The following CTDSPL2 variants were observed in gnomAD, a reference collection of about 807,000 sequenced individuals.
The protein encoded by CTDSPL2 is CTD small phosphatase like 2, also known as CTD small phosphatase-like protein 2.
In CTDSPL2, 5 loss-of-function variants were observed where a neutral mutation model predicts 60.0. The ratio of observed to expected loss-of-function variants is 0.08; its 90% CI spans 0.04 to 0.18. The LOEUF is 0.18. Ranked by LOEUF, CTDSPL2 falls within the 10% of genes least tolerant of loss-of-function variation. The probability of loss-of-function intolerance (pLI) is 1.00; values close to 1 mark genes in which losing one functional copy is unlikely to be tolerated. For missense variants in CTDSPL2, 370 were observed against 548.8 expected (o/e 0.67, Z 3.26); for synonymous variants, 186 against 189.3 (o/e 0.98, Z 0.14).
intron 2 of CTDSPL2, among the ~76,000 whole-genome samples, chr15:44,476,475 G>T (rs1160762216): frequency 6.6e-6 from 1 of 152,132 alleles, no homozygotes. Context: ...AGCAAAAGCA[G>T]AAGAGTACTC....
At chr15:44,475,755 A>T (rs1214180374) in intron 2 of CTDSPL2, among the ~76,000 whole-genome samples, 1 of 152,134 alleles carries the variant, frequency 6.6e-6, no homozygotes, top group Non-Finnish European at 1.5e-5. Flanking sequence ...ATTCCTTTTT[A>T]AAAAACTCAT....
rs150776240 is a variant in CTDSPL2, at chr15:44,454,582, C to T, written c.-24-4409C>T. Among the ~76,000 whole-genome samples, 1,418 of 152,306 alleles carry T rather than the reference C, an allele frequency of 9.3e-3. 14 individuals are homozygous for T. The highest frequency in any genetic ancestry group is 0.048 in the Middle Eastern group (14 of 294). ...TAGGTTTAACATTTAAGTCTTGAAT[C>T]CATTTTGAATTAATTTTAGTGTAAG... On this transcript the variant is annotated intron_variant, in intron 1 of 12. Coordinates refer to ENST00000260327, the MANE Select transcript of CTDSPL2 (RefSeq NM_016396.3).
intron 2 of CTDSPL2, among the ~76,000 whole-genome samples, chr15:44,478,450 C>T (rs2080963250): frequency 1.8e-5 from 1 of 55,512 alleles, no homozygotes. Context: ...AAGACTCTGT[C>T]TCAAAAAAAA....
At chr15:44,454,394 G>T (rs2080392403) in intron 1 of CTDSPL2, among the ~76,000 whole-genome samples, 1 of 152,046 alleles carries the variant, frequency 6.6e-6, no homozygotes. Context: ...TACTCTGATG[G>T]TAGTTTCTTT....
chr15:44,464,444 A>G (rs993269360), intron 2 of CTDSPL2, among the ~76,000 whole-genome samples: 4 of 152,212 alleles, frequency 2.6e-5, no homozygotes, highest in Non-Finnish European at 5.9e-5. Flanking sequence ...TGGTGCTGCT[A>G]GGATTTAAAC....
chr15:44,507,528 A>C (rs1349287624), intron 8 of CTDSPL2, among the ~76,000 whole-genome samples: 1 of 152,222 alleles, frequency 6.6e-6, no homozygotes, highest in African/African-American at 2.4e-5. Flanking sequence ...TCATGAAGCA[A>C]AAGATTACTA....
intron 10 of CTDSPL2, among the ~76,000 whole-genome samples, chr15:44,515,898 G>T (rs2081643419): frequency 6.6e-6 from 1 of 151,504 alleles, no homozygotes; most frequent in Non-Finnish European, 1.5e-5. Flanking sequence ...TAATAGCTGG[G>T]TTGGTTGGTT....
In CTDSPL2 at chr15:44,496,366, A is replaced by G; in HGVS notation, c.692-14A>G. 3 of 1,589,678 alleles carry G rather than the reference A, an allele frequency of 1.9e-6. No individual in the cohort carries two copies. Among genetic ancestry groups the G allele is most frequent in the Non-Finnish European group, 2.6e-6 (3 of 1,163,506 alleles). On this transcript the variant is annotated splice_polypyrimidine_tract_variant and intron_variant, in intron 5 of 12. Transcript: ENST00000260327. ...AAGTAAAAGCAACATTTTTTCTTTC[A>G]CTATGTTAAATAGCACCAGTAACTC...
intron 1 of CTDSPL2, among the ~76,000 whole-genome samples, chr15:44,433,220 A>G (rs1436610279): frequency 6.8e-6 from 1 of 147,460 alleles, no homozygotes; most frequent in Non-Finnish European, 1.5e-5. Context: ...GGGGCTGAGT[A>G]GGGGGAATTG....
In CTDSPL2 at chr15:44,525,534, A is replaced by C. The variant is rs2081858896; in HGVS notation, c.*1360A>C. 1 of 398,724 alleles carries C rather than the reference A, an allele frequency of 2.5e-6. No individual in the cohort carries two copies. The allele number at this position is 398,724 out of a possible 1,614,324, so 24.7% of individuals were successfully genotyped here. On this transcript the variant is annotated 3_prime_UTR_variant, in exon 13 of 13. Transcript: ENST00000260327. ...TGTTTTTGTGTAAAGGATGTCAAAG[A>C]ACGGCACTTTTTCTAAAGAGAAGTT...
intron 1 of CTDSPL2, among the ~76,000 whole-genome samples, chr15:44,443,215 C>A (rs968321255): frequency 6.6e-6 from 1 of 152,154 alleles, no homozygotes; most frequent in African/African-American, 2.4e-5. Context: ...CAGTCTTCAA[C>A]GTTCATAATA....
intron 8 of CTDSPL2, among the ~76,000 whole-genome samples, chr15:44,506,547 G>A (rs1467662236): frequency 6.7e-6 from 1 of 149,670 alleles, no homozygotes; most frequent in Admixed American, 6.8e-5. Context: ...CTCCCAAACA[G>A]TAGCTGGGAC....
At chr15:44,439,163 T>A (rs570918813) in intron 1 of CTDSPL2, among the ~76,000 whole-genome samples, 6 of 151,850 alleles carry the variant, frequency 4.0e-5, no homozygotes, top group African/African-American at 7.2e-5. Flanking sequence ...TTATTTATTT[T>A]TTTAAGATAG....
Position 44,449,755 on chromosome 15 carries a change from T to C in CTDSPL2, c.-24-9236T>C, listed in dbSNP as rs141496159. On this transcript the variant is annotated intron_variant, in intron 1 of 12. Coordinates refer to ENST00000260327, the MANE Select transcript of CTDSPL2 (RefSeq NM_016396.3). The stretch of plus-strand genomic sequence containing the variant: ...CTGTAATCCCAGCACTTTGGGAGGC[T>C]GAGAAGGATGAATCACTTTGAGGTC... 2.4e-4 allele frequency among the ~76,000 whole-genome samples: 36 copies of C among 152,102 alleles called. No individual in the cohort carries two copies. In the East Asian group the frequency reaches 6.0e-3, roughly 25 times the overall value.
chr15:44,435,586 AGAATCTTCCT>A (rs2079961304), intron 1 of CTDSPL2, among the ~76,000 whole-genome samples: 4 of 148,658 alleles, frequency 2.7e-5, no homozygotes, highest in Admixed American at 2.7e-4. Context: ...AAAAAAAAAG[AGAATCTTCCT>A]GTTGTAGAGT....
At chr15:44,430,255 A>C (rs1837983389) in intron 1 of CTDSPL2, among the ~76,000 whole-genome samples, 1 of 152,134 alleles carries the variant, frequency 6.6e-6, no homozygotes, top group Non-Finnish European at 1.5e-5. Flanking sequence ...TCAGTTGAGT[A>C]AAATGGCATT....
Position 44,521,552 on chromosome 15 carries a change from T to G in CTDSPL2, c.1335+146T>G, listed in dbSNP as rs2081768166. Reference sequence around the variant, plus strand: ...CAGGTGCCATCATAGGCGCCTGTAGTGCCAGCTACTTTAGAGTCTGAGGCA... The same window carrying G: ...CAGGTGCCATCATAGGCGCCTGTAGGGCCAGCTACTTTAGAGTCTGAGGCA... On this transcript the variant is annotated intron_variant, in intron 12 of 12. Coordinates refer to ENST00000260327, the MANE Select transcript of CTDSPL2 (RefSeq NM_016396.3). 8.0e-5 allele frequency: 39 copies of G among 486,884 alleles called. 1 individual carries two copies. In the East Asian group the frequency reaches 1.4e-3, roughly 17 times the overall value. The allele number at this position is 486,884 out of a possible 1,614,324, so 30.2% of individuals were successfully genotyped here. A position where few individuals can be genotyped will look rare whatever the true frequency, so the allele number is the denominator to read the frequency against.
intron 1 of CTDSPL2, among the ~76,000 whole-genome samples, chr15:44,451,823 T>C (rs2080340148): frequency 6.6e-6 from 1 of 152,214 alleles, no homozygotes; most frequent in Admixed American, 6.5e-5. Context: ...ATTTTTTCTT[T>C]TTAAATATTT....
At chr15:44,514,009 A>G (rs1323161699) in intron 8 of CTDSPL2, among the ~76,000 whole-genome samples, 1 of 152,258 alleles carries the variant, frequency 6.6e-6, no homozygotes, top group Non-Finnish European at 1.5e-5. Flanking sequence ...AGTAGCCAAT[A>G]GTGCTAATTT....
Sources: gnomAD v4.1 joint callset for allele counts (sites outside exome capture counted in the v4.1 genomes callset) on GRCh38, gnomAD v4.1.1 for gene constraint, MANE v1.5 for transcripts, NCBI Gene and HGNC (gene_info 2026-07-23, HGNC 2026-07-21) for gene names.